MYH3: variants seen among roughly 807,000 people sequenced by gnomAD.
The protein encoded by MYH3 is myosin heavy chain 3.
Under a neutral mutation model 238.0 loss-of-function variants are expected in MYH3, and 130 were observed. The observed-to-expected ratio is 0.55, with a 90% confidence interval of 0.47 to 0.63. The LOEUF (loss-of-function observed/expected upper bound fraction) is 0.63, where lower values mean the gene tolerates loss of function less well. Ranked by LOEUF, MYH3 falls within the 30% of genes least tolerant of loss-of-function variation. MYH3 has a pLI of 0.00. For missense variants in MYH3, 1,853 were observed against 2,374.9 expected (o/e 0.78, Z 4.57); for synonymous variants, 880 against 924.1 (o/e 0.95, Z 0.86).
At chr17:10,649,521 G>T in intron 7 of MYH3, 56 bp downstream of exon 7, 1 of 1,396,432 alleles carries the variant, frequency 7.2e-7, no homozygotes, top group Non-Finnish European at 1.0e-6. Context: ...CTCATTCTGA[G>T]GTTAAGACCA....
chr17:10,645,624 GAT>G (rs2074313794), intron 12 of MYH3, 81 bp downstream of exon 12: 1 of 1,554,484 alleles, frequency 6.4e-7, no homozygotes, highest in Non-Finnish European at 8.8e-7. Flanking sequence ...TGCCTGGCTG[GAT>G]TAATTGCTTT....
chr17:10,651,713 A>G (rs777114967), intron 4 of MYH3, 45 bp from the exon 5 acceptor site: 6 of 1,599,046 alleles, frequency 3.8e-6, no homozygotes, highest in Admixed American at 1.7e-5. Context: ...ATGTATGTGC[A>G]TATGGAAAAC....
chr17:10,657,705 T>A (rs1469213999), upstream of MYH3, among the ~76,000 whole-genome samples: 3 of 152,170 alleles, frequency 2.0e-5, no homozygotes, highest in Non-Finnish European at 4.4e-5. Flanking sequence ...AGAAATCTCA[T>A]CATATGGAAA....
Position 10,654,756 on chromosome 17 carries a change from C to T in MYH3, c.204+105G>A. 1 of 1,074,388 alleles carries T rather than the reference C, an allele frequency of 9.3e-7. No homozygotes were observed. The highest frequency in any genetic ancestry group is 1.5e-6 in the Non-Finnish European group (1 of 688,216). 66.6% of individuals were successfully genotyped at this position (1,074,388 alleles called of 1,614,324 possible). On this transcript the variant is annotated intron_variant, in intron 3 of 40. Transcript: ENST00000583535. This position sits in a 1 kb window ranked among gnomAD's most constrained non-coding sequence, Gnocchi z 4.5. ...CTACATTGTATGCGGCATTCCAGTGCTGGAACCACATCTGGAAGTGGCTGG... is the reference window on the plus strand; with the variant it reads ...CTACATTGTATGCGGCATTCCAGTGTTGGAACCACATCTGGAAGTGGCTGG...
At chr17:10,632,875 G>GATTTAGGACTAT in intron 33 of MYH3, 91 bp from the exon 34 acceptor site, 1 of 1,316,110 alleles carries the variant, frequency 7.6e-7, no homozygotes, top group Non-Finnish European at 1.1e-6. Flanking sequence ...CAATGGAATA[G>GATTTAGGACTAT]TCCTAAATCT....
chr17:10,657,206 G>T (rs952038487), intron 1 of MYH3, 83 bp downstream of exon 1: 1 of 152,568 alleles, frequency 6.6e-6, no homozygotes, highest in African/African-American at 2.4e-5. Context: ...CAGGGCCAGG[G>T]AACCACGCAC....
chr17:10,638,623 C>T (rs2074240815), intron 26 of MYH3, among the ~76,000 whole-genome samples, 191 bp from the exon 27 acceptor site: 1 of 152,190 alleles, frequency 6.6e-6, no homozygotes, highest in Admixed American at 6.5e-5. Context: ...GTGACCAAAC[C>T]TGAACATTTT....
chr17:10,637,866 T>C lies in MYH3; in HGVS notation c.3799A>G (p.Ile1267Val). The C allele has an allele frequency of 6.2e-7, 1 of 1,614,068 alleles. No individual in the cohort carries two copies. Among genetic ancestry groups the C allele is most frequent in the Non-Finnish European group, 8.5e-7 (1 of 1,180,012 alleles). Residue 1267 changes from isoleucine (I) to valine (V), a missense_variant, in exon 28 of 41, where the codon ATT (isoleucine) becomes GTT (valine). Transcript: ENST00000583535. ...GTCAGCTCGCTCAGGCTCCTCTGAATTTCCTCATTCTTGCCCCTGGCCTCA... is the reference window on the plus strand; with the variant it reads ...GTCAGCTCGCTCAGGCTCCTCTGAACTTCCTCATTCTTGCCCCTGGCCTCA... ...LSEARGKNEE[I>V]QRSLSELTTQ...
chr17:10,652,872 C>T (rs1314477827), intron 3 of MYH3, among the ~76,000 whole-genome samples: 6 of 151,924 alleles, frequency 3.9e-5, no homozygotes, highest in Non-Finnish European at 7.4e-5. Flanking sequence ...CCACCCGCCT[C>T]AGCCTCCCAA....
At position 10,655,016 on chromosome 17, in the gene MYH3, G is replaced by A. The variant is rs758868589; in HGVS notation, c.49C>T (p.Leu17Phe). The change falls in exon 3 of 41, where the codon CTC becomes TTC. Residue 17 changes from leucine (L) to phenylalanine (F), a missense_variant. Physicochemically the swap from Leu to Phe is conservative, Grantham distance 22. This residue lies in a region of MYH3 where 131 missense variants were observed against 123.5 expected (regional missense o/e 1.06). Transcript: ENST00000583535. Reference sequence around the variant, plus strand: ...ATCCTCTCCTTTTCTGACTTCCGGAGGAAAGGAGCAGCTATGCCGAACACT... The same window carrying A: ...ATCCTCTCCTTTTCTGACTTCCGGAAGAAAGGAGCAGCTATGCCGAACACT... ...MEVFGIAAPFLRKSEKERIEA... is the reference protein window; with the variant it reads ...MEVFGIAAPFFRKSEKERIEA... The A allele has an allele frequency of 6.2e-7, 1 of 1,614,190 alleles. No individual in the cohort carries two copies. Among genetic ancestry groups the A allele is most frequent in the Non-Finnish European group, 8.5e-7 (1 of 1,180,052 alleles).
Position 10,633,639 on chromosome 17 carries a change from C to A in MYH3, c.4599G>T (p.Gln1533His). The A allele has an allele frequency of 6.2e-7, 1 of 1,613,994 alleles. No homozygotes were observed. Among genetic ancestry groups the A allele is most frequent in the South Asian group, 1.1e-5 (1 of 91,084 alleles). The change falls in exon 33 of 41, where the codon CAG becomes CAT. Residue 1533 changes from glutamine to histidine, a missense_variant. Transcript: ENST00000583535. ...GGATATCAGCCTTTTCCAGCTCAAT[C>A]TGCTTTCTTGATTTCTCCAGTTCAT... ...TIHELEKSRKQIELEKADIQL... is the reference protein window; with the variant it reads ...TIHELEKSRKHIELEKADIQL...
intron 5 of MYH3, 21 bp from the exon 6 acceptor site, chr17:10,650,422 A>C: frequency 6.2e-7 from 1 of 1,607,984 alleles, no homozygotes; most frequent in Non-Finnish European, 8.5e-7. Flanking sequence ...AAAAAATAAA[A>C]TAGAGTTGAT....
chr17:10,672,563 G>A, the MYH3 span: 1 of 152,144 alleles, frequency 6.6e-6, no homozygotes, highest in African/African-American at 2.4e-5. Flanking sequence ...GATGTATGCA[G>A]TTGTGCAGCG....
At chr17:10,656,537 CAAAAAAA>C (rs71139057) in intron 1 of MYH3, among the ~76,000 whole-genome samples, 2,355 of 55,640 alleles carry the variant, frequency 0.042, 23 homozygotes, top group Non-Finnish European at 0.066. Flanking sequence ...AATTCTGTCT[CAAAAAAA>C]AAAAAAAAAA....
chr17:10,661,904 G>C (rs958474732), upstream of MYH3, among the ~76,000 whole-genome samples: 2 of 152,102 alleles, frequency 1.3e-5, no homozygotes, highest in Non-Finnish European at 2.9e-5. Context: ...TGAAGGGTGG[G>C]GGTCCTAAGC....
In MYH3 at chr17:10,642,661, G is replaced by T; in HGVS notation, c.1644C>A (p.Ser548=). 6.2e-7 allele frequency: 1 copy of T among 1,614,238 alleles called. No individual in the cohort carries two copies. Among genetic ancestry groups the T allele is most frequent in the South Asian group, 1.1e-5 (1 of 91,092 alleles). Residue 548 remains serine, a synonymous_variant, in exon 16 of 41, where the codon TCC becomes TCA. Transcript: ENST00000583535. This position sits in a 1 kb window ranked among gnomAD's most constrained non-coding sequence, Gnocchi z 5.4. ...ECMFPKATDT[S]FKNKLYDQHL... is the part of the protein sequence containing the mutation. ...GCTGGTCATACAGCTTGTTCTTGAA[G>T]GAGGTGTCTGTTGCCTTGGGGAACA...
At chr17:10,635,312 A>T in intron 30 of MYH3, 55 bp downstream of exon 30, 2 of 1,613,590 alleles carry the variant, frequency 1.2e-6, no homozygotes, top group Non-Finnish European at 1.7e-6. Flanking sequence ...AATAAAAATA[A>T]ATTCATCGAA....
chr17:10,659,882 G>A (rs984203801), upstream of MYH3, among the ~76,000 whole-genome samples: 2 of 152,240 alleles, frequency 1.3e-5, no homozygotes. Flanking sequence ...CGCAGTGGCT[G>A]GAAGGGACAG....
At chr17:10,631,026 G>A (rs1220436617) in intron 36 of MYH3, among the ~76,000 whole-genome samples, 1 of 152,226 alleles carries the variant, frequency 6.6e-6, no homozygotes, top group Non-Finnish European at 1.5e-5. Context: ...CCTTTCTTAA[G>A]CTGGCCTCCT....
Sources: allele counts gnomAD v4.1 joint callset (sites outside exome capture counted in the v4.1 genomes callset), GRCh38; gene constraint gnomAD v4.1.1; regional missense constraint gnomAD v4.1.1; non-coding constraint Gnocchi (gnomAD v3.1); transcripts MANE v1.5; gene names NCBI Gene and HGNC (gene_info 2026-07-23, HGNC 2026-07-21).